The following ZNF563 variants were observed in gnomAD, a reference collection of about 807,000 sequenced individuals.
The protein encoded by ZNF563 is zinc finger protein 563.
A neutral mutation model predicts 48.5 loss-of-function variants in ZNF563; 39 were observed. The observed-to-expected ratio is 0.80, with a 90% CI of 0.62 to 1.05. The LOEUF (loss-of-function observed/expected upper bound fraction) is 1.05. Among genes scored for constraint, ZNF563 ranks in the 50% least tolerant of loss-of-function variants. The probability of loss-of-function intolerance (pLI) is 0.00; values close to 1 mark genes in which losing one functional copy is unlikely to be tolerated. For synonymous variants in ZNF563, 168 were observed against 187.9 expected, an observed-to-expected ratio of 0.89 and a Z score of 0.87; for missense variants, 538 against 597.0, an observed-to-expected ratio of 0.90 and a Z score of 1.03.
At chr19:12,322,002 A>G (rs1015267850) in intron 2 of ZNF563, among the ~76,000 whole-genome samples, 2 of 152,170 alleles carry the variant, frequency 1.3e-5, no homozygotes, top group African/African-American at 4.8e-5. Context: ...TATGTAATAC[A>G]TGACTTACAA....
At chr19:12,320,025 T>C (rs575609962) in intron 3 of ZNF563, among the ~76,000 whole-genome samples, 192 bp from the exon 4 acceptor site, 2 of 152,094 alleles carry the variant, frequency 1.3e-5, no homozygotes, top group Admixed American at 6.5e-5. Context: ...CAAGCGATTC[T>C]CCTGCCTCAG....
rs1968480961 is a variant in ZNF563, at chr19:12,318,116, C to T, written c.*478G>A. ...CCCTTGGGCTCAAGAGATCTTCCCA[C>T]CTCAGCCTCCCAAGTAGCTGGGACT... is the stretch of plus-strand genomic sequence containing the variant. On this transcript the variant is annotated 3_prime_UTR_variant, in exon 4 of 4. Transcript: ENST00000293725. 2 of 170,508 alleles carry T rather than the reference C, an allele frequency of 1.2e-5. No homozygotes were observed. Among genetic ancestry groups the T allele is most frequent in the South Asian group, 2.9e-4 (2 of 6,982 alleles). The allele number at this position is 170,508 out of a possible 1,614,324, so 10.6% of individuals were successfully genotyped here.
At position 12,318,388 on chromosome 19, in the gene ZNF563, A is replaced by G. The variant is rs1195361098; in HGVS notation, c.*206T>C. On this transcript the variant is annotated 3_prime_UTR_variant, in exon 4 of 4. Coordinates refer to ENST00000293725, the MANE Select transcript of ZNF563 (RefSeq NM_145276.3). ...CTCTGTGAGTTGTTTTATGTTGACA[A>G]TGGTGTTAAAAAAAAATCGATCACT... 1.5e-5 allele frequency: 9 copies of G among 599,558 alleles called. No homozygotes were observed. Among genetic ancestry groups the G allele is most frequent in the Non-Finnish European group, 2.6e-5 (9 of 351,472 alleles). The allele number at this position is 599,558 out of a possible 1,614,324, so 37.1% of individuals were successfully genotyped here.
chr19:12,319,448 C>T lies in ZNF563; in HGVS notation c.577G>A (p.Gly193Arg). ...NLRRHMVVQG[G>R]NRPYKCKLCG... Reference sequence around the variant, plus strand: ...AACTTACATTTATAAGGTCTATTTCCACCTTGCACTACCATGTGTCTTCGA... The same window carrying T: ...AACTTACATTTATAAGGTCTATTTCTACCTTGCACTACCATGTGTCTTCGA... The change falls in exon 4 of 4, where the codon GGA becomes AGA. Residue 193 changes from glycine (G) to arginine (R), a missense_variant. Coordinates refer to ENST00000293725, the MANE Select transcript of ZNF563 (RefSeq NM_145276.3). The T allele has an allele frequency of 6.2e-7, 1 of 1,614,216 alleles. No individual in the cohort carries two copies. The highest frequency in any genetic ancestry group is 8.5e-7 in the Non-Finnish European group (1 of 1,180,052).
the ZNF563 span, among the ~76,000 whole-genome samples, chr19:12,344,542 T>A: frequency 1.3e-5 from 2 of 151,978 alleles, no homozygotes; most frequent in African/African-American, 4.8e-5. Context: ...AAAAAATACA[T>A]TTGATAAACC....
upstream of ZNF563, chr19:12,333,848 C>CCTTG: frequency 3.3e-6 from 1 of 304,240 alleles, no homozygotes; most frequent in East Asian, 5.7e-5. Context: ...CAGGCACAGC[C>CCTTG]CTTGACAGGG....
In ZNF563 at chr19:12,319,471, C is replaced by T. The variant is rs199760099; in HGVS notation, c.554G>A (p.Arg185Gln). The change falls in exon 4 of 4, where the codon CGA (arginine) becomes CAA (glutamine). Residue 185 changes from arginine (R) to glutamine (Q), a missense_variant. Coordinates refer to ENST00000293725, the MANE Select transcript of ZNF563 (RefSeq NM_145276.3). The part of the protein sequence containing the change: ...GKTFSSRRNL[R>Q]RHMVVQGGNR... ...TCCACCTTGCACTACCATGTGTCTT[C>T]GAAGGTTTCTACGAGAACTGAAGGT... 65 of 1,614,212 alleles carry T rather than the reference C, an allele frequency of 4.0e-5. No individual in the cohort carries two copies. In the Middle Eastern group the frequency reaches 2.0e-3, roughly 49 times the overall value.
intron 1 of ZNF563, among the ~76,000 whole-genome samples, chr19:12,326,798 C>A (rs1054081094): frequency 6.6e-6 from 1 of 152,102 alleles, no homozygotes; most frequent in African/African-American, 2.4e-5. Context: ...AGAGAAATGA[C>A]ACAAGTTAGA....
At chr19:12,329,486 A>G (rs1035011147) in intron 1 of ZNF563, among the ~76,000 whole-genome samples, 1 of 151,612 alleles carries the variant, frequency 6.6e-6, no homozygotes, top group African/African-American at 2.4e-5. Context: ...AAAAAAAAAA[A>G]AAAGAAAAGA....
chr19:12,333,481 ATT>A lies in ZNF563; in HGVS notation c.-1_1del. 2.5e-6 allele frequency: 4 copies of A among 1,613,060 alleles called. No homozygotes were observed. The highest frequency in any genetic ancestry group is 3.4e-6 in the Non-Finnish European group (4 of 1,179,526). On this transcript the variant is annotated start_lost and splice_region_variant and start_retained_variant and 5_prime_UTR_variant, in exon 1 of 4. Transcript: ENST00000293725. ...GGACGCCTGACCCTGCACACGCACC[ATT>A]TCCCGGCTTCCGGGATGTTCCAGGG...
intron 1 of ZNF563, among the ~76,000 whole-genome samples, chr19:12,327,055 T>G (rs970505682): frequency 2.6e-5 from 4 of 152,166 alleles, no homozygotes; most frequent in Non-Finnish European, 5.9e-5. Context: ...CCATTAGTTG[T>G]GAATGGTATA....
chr19:12,343,762 GCT>G, the ZNF563 span, among the ~76,000 whole-genome samples: 1 of 126,014 alleles, frequency 7.9e-6, no homozygotes, highest in Non-Finnish European at 1.6e-5. Flanking sequence ...ATGGAGTCTC[GCT>G]CTGTCGCCCA....
At position 12,319,024 on chromosome 19, in the gene ZNF563, T is replaced by C; in HGVS notation, c.1001A>G (p.Asp334Gly). Residue 334 changes from aspartate (D) to glycine (G), a missense_variant, in exon 4 of 4, where the codon GAT (aspartate) becomes GGT (glycine). Asp to Gly is a moderately conservative substitution (Grantham distance 94, BLOSUM62 -1). Transcript: ENST00000293725. ...FQIHMKRHTGDRPHKCKICGK... is the reference protein window; with the variant it reads ...FQIHMKRHTGGRPHKCKICGK... The stretch of plus-strand genomic sequence containing the variant: ...ACATATCTTACATTTATGAGGTCGA[T>C]CTCCAGTGTGCCTTTTCATGTGTAT... 6.2e-7 allele frequency: 1 copy of C among 1,614,182 alleles called. No homozygotes were observed. Among genetic ancestry groups the C allele is most frequent in the Middle Eastern group, 1.6e-4 (1 of 6,062 alleles).
At chr19:12,335,006 G>C (rs890411296), upstream of ZNF563, among the ~76,000 whole-genome samples, 1 of 151,766 alleles carries the variant, frequency 6.6e-6, no homozygotes, top group African/African-American at 2.4e-5. Context: ...TTCGTGCTAC[G>C]TGGAGGCGTG....
intron 2 of ZNF563, 147 bp downstream of exon 2, chr19:12,322,438 A>G (rs1009488795): frequency 7.3e-6 from 6 of 817,718 alleles, no homozygotes; most frequent in Non-Finnish European, 1.0e-5. Flanking sequence ...AGGATGTACA[A>G]CTTCTTTCAG....
At chr19:12,339,741 G>A in the ZNF563 span, among the ~76,000 whole-genome samples, 1 of 152,004 alleles carries the variant, frequency 6.6e-6, no homozygotes, top group East Asian at 1.9e-4. Context: ...AGAGAGAGAA[G>A]GTGAAGGGAG....
At position 12,319,276 on chromosome 19, in the gene ZNF563, T is replaced by TC; in HGVS notation, c.748dup (p.Glu250GlyfsTer5). 6.2e-7 allele frequency: 1 copy of TC among 1,613,990 alleles called. No individual in the cohort carries two copies. Among genetic ancestry groups the TC allele is most frequent in the Non-Finnish European group, 8.5e-7 (1 of 1,179,976 alleles). ...ACACTGCTTACATTCATACGGTTTC[T>TC]CCCCAGTGTGCATTCTCTCATGTCT... is the stretch of plus-strand genomic sequence containing the variant. On this transcript the variant is annotated frameshift_variant, in exon 4 of 4. Transcript: ENST00000293725. LOFTEE classifies it high-confidence loss of function.
At chr19:12,331,250 C>G (rs1968908973) in intron 1 of ZNF563, among the ~76,000 whole-genome samples, 1 of 152,134 alleles carries the variant, frequency 6.6e-6, no homozygotes, top group African/African-American at 2.4e-5. Context: ...CAGGGAGGGG[C>G]AGTGCTGACT....
At chr19:12,341,010 C>A in the ZNF563 span, among the ~76,000 whole-genome samples, 2 of 151,672 alleles carry the variant, frequency 1.3e-5, no homozygotes, top group African/African-American at 4.8e-5. Context: ...AAATAAAGAT[C>A]TTAGTAAAAA....
Sources: allele counts gnomAD v4.1 joint callset (sites outside exome capture counted in the v4.1 genomes callset), GRCh38; gene constraint gnomAD v4.1.1; transcripts MANE v1.5; gene names NCBI Gene and HGNC (gene_info 2026-07-23, HGNC 2026-07-21).